Variants in NRSN1 observed in about 807,000 individuals in gnomAD.
NRSN1 encodes the protein neurensin 1.
In NRSN1, 14 loss-of-function variants were observed where a neutral mutation model predicts 17.3. The observed-to-expected ratio is 0.81, with a 90% CI of 0.54 to 1.27. NRSN1 has a LOEUF of 1.27. Among genes scored for constraint, NRSN1 ranks in the 50% most tolerant of loss-of-function variants. NRSN1 has a pLI of 0.00. For missense variants in NRSN1, 209 were observed against 235.9 expected, an observed-to-expected ratio of 0.89 and a Z score of 0.75; for synonymous variants, 79 against 94.2, an observed-to-expected ratio of 0.84 and a Z score of 0.93.
rs1760314790 is a variant in NRSN1 at position 24,146,781 on chromosome 6, G to A, written c.*835G>A. 6.5e-6 allele frequency: 1 copy of A among 154,168 alleles called. No homozygotes were observed. 9.6% of individuals were successfully genotyped at this position (154,168 alleles called of 1,614,324 possible). On this transcript the variant is annotated 3_prime_UTR_variant, in exon 4 of 4. Transcript: ENST00000378491. ...TCTTGACCAAAAAAAATTAATTTTA[G>A]GAGCATCTATTTATGCAGTGTTCAA...
At chr6:24,129,097 T>C (rs1267005874) in intron 2 of NRSN1, 2 of 152,222 alleles carry the variant, frequency 1.3e-5, no homozygotes, top group Admixed American at 6.5e-5. Flanking sequence ...TTGGCACACA[T>C]AGTGATATCA....
chr6:24,144,312 G>T (rs1760264701), intron 3 of NRSN1, among the ~76,000 whole-genome samples: 1 of 152,120 alleles, frequency 6.6e-6, no homozygotes, highest in African/African-American at 2.4e-5. Context: ...TTGAAAAGAG[G>T]TGAGTAGTTA....
In NRSN1 at chr6:24,145,148, A is replaced by T. The variant is rs1037526122; in HGVS notation, c.190-400A>T. ...ACATATCTTTAGACATATAATATAT[A>T]ATATATATATCTTTGGACATATATA... On this transcript the variant is annotated intron_variant, in intron 3 of 3. Transcript: ENST00000378491. The surrounding 1 kb of genome is among the most constrained non-coding windows in gnomAD (Gnocchi z 4.4). 1.3e-4 allele frequency among the ~76,000 whole-genome samples: 19 copies of T among 145,084 alleles called. No individual in the cohort carries two copies. In the South Asian group the frequency reaches 1.7e-3, roughly 13 times the overall value.
rs556231413 is a variant in NRSN1, at chr6:24,138,236, C to T, written c.189+3720C>T. The stretch of plus-strand genomic sequence containing the variant: ...CACACTTTCTCTGTGCTTCAGAGGT[C>T]CTAGGTTGCTGCATGACTACCTCAG... On this transcript the variant is annotated intron_variant, in intron 3 of 3. Transcript: ENST00000378491. 3.3e-5 allele frequency among the ~76,000 whole-genome samples: 5 copies of T among 152,204 alleles called. No individual in the cohort carries two copies. The East Asian group carries it at 9.7e-4, about 29-fold the overall frequency.
At chr6:24,138,609 G>A (rs1459343894) in intron 3 of NRSN1, among the ~76,000 whole-genome samples, 1 of 152,112 alleles carries the variant, frequency 6.6e-6, no homozygotes, top group Non-Finnish European at 1.5e-5. Context: ...CGATGTGCAG[G>A]TGCAAGGTGT....
intron 1 of NRSN1, among the ~76,000 whole-genome samples, chr6:24,127,013 C>A (rs1759960302): frequency 6.6e-6 from 1 of 151,708 alleles, no homozygotes; most frequent in Non-Finnish European, 1.5e-5. Flanking sequence ...TGGTGAAGGG[C>A]ATGTGGGGAA....
rs914842087 is a variant in NRSN1, at chr6:24,145,073, A to G, written c.190-475A>G. Among the ~76,000 whole-genome samples the G allele has an allele frequency of 6.4e-4, 93 of 145,340 alleles. No individual in the cohort carries two copies. The highest frequency in any genetic ancestry group is 2.2e-3 in the African/African-American group (87 of 40,024). ...ATATATAATATATATCTTTAGGTATATAATATATATTATATATTTTATATA... is the reference window on the plus strand; with the variant it reads ...ATATATAATATATATCTTTAGGTATGTAATATATATTATATATTTTATATA... On this transcript the variant is annotated intron_variant, in intron 3 of 3. Transcript: ENST00000378491. This position sits in a 1 kb window ranked among gnomAD's most constrained non-coding sequence, Gnocchi z 4.4.
rs563032009 is a variant in NRSN1, at chr6:24,136,518, T to C, written c.189+2002T>C. On this transcript the variant is annotated intron_variant, in intron 3 of 3. Coordinates refer to ENST00000378491, the MANE Select transcript of NRSN1 (RefSeq NM_080723.5). ...GGCACATCTTGTATTTACCCAGATA[T>C]GTGGGTGGTTGTTTCCCTATTTGTC... Among the ~76,000 whole-genome samples, 3 of 150,424 alleles carry C rather than the reference T, an allele frequency of 2.0e-5. No homozygotes were observed. The East Asian group carries it at 6.1e-4, about 31-fold the overall frequency.
At chr6:24,131,783 CT>C (rs1432630257) in intron 2 of NRSN1, among the ~76,000 whole-genome samples, 2 of 152,184 alleles carry the variant, frequency 1.3e-5, no homozygotes, top group Non-Finnish European at 2.9e-5. Context: ...ATAGAAGGTA[CT>C]GAAGAGATCG....
Position 24,126,266 on chromosome 6 carries a change from C to T in NRSN1, c.-157C>T, listed in dbSNP as rs901999072. On this transcript the variant is annotated 5_prime_UTR_variant, in exon 1 of 4. In the 5' UTR this introduces an upstream ATG that the reference lacks. Coordinates refer to ENST00000378491, the MANE Select transcript of NRSN1 (RefSeq NM_080723.5). ...CGAGGCGGAGCGGCGGCGGTGGCGACGGCGATGGGACCCCAGCGAGAGATC... is the reference window on the plus strand; with the variant it reads ...CGAGGCGGAGCGGCGGCGGTGGCGATGGCGATGGGACCCCAGCGAGAGATC... 1 of 176,488 alleles carries T rather than the reference C, an allele frequency of 5.7e-6. No homozygotes were observed. The highest frequency in any genetic ancestry group is 1.2e-5 in the Non-Finnish European group (1 of 85,154). 10.9% of individuals were successfully genotyped at this position (176,488 alleles called of 1,614,324 possible).
intron 3 of NRSN1, among the ~76,000 whole-genome samples, chr6:24,136,345 G>A (rs1487116708): frequency 6.6e-6 from 1 of 152,174 alleles, no homozygotes; most frequent in Non-Finnish European, 1.5e-5. Flanking sequence ...TGTTAACATG[G>A]ATAACCCAAG....
At chr6:24,137,662 C>T (rs1472010057) in intron 3 of NRSN1, among the ~76,000 whole-genome samples, 7 of 152,022 alleles carry the variant, frequency 4.6e-5, no homozygotes, top group Non-Finnish European at 2.9e-5. Context: ...AGGTATATCT[C>T]CTAATGCTAT....
At chr6:24,140,388 G>C (rs188967694) in intron 3 of NRSN1, among the ~76,000 whole-genome samples, 64 of 152,304 alleles carry the variant, frequency 4.2e-4, no homozygotes, top group Non-Finnish European at 4.9e-4. Context: ...TAAGAAGATT[G>C]TGAGGTCAGT....
chr6:24,142,450 G>T (rs1286764408), intron 3 of NRSN1, among the ~76,000 whole-genome samples: 1 of 151,938 alleles, frequency 6.6e-6, no homozygotes, highest in Non-Finnish European at 1.5e-5. Flanking sequence ...CCTCAACTAT[G>T]CTTTTTTTCT....
intron 3 of NRSN1, among the ~76,000 whole-genome samples, chr6:24,144,094 T>C (rs1227035685): frequency 6.6e-6 from 1 of 152,214 alleles, no homozygotes; most frequent in Non-Finnish European, 1.5e-5. Context: ...CTCCATCTGC[T>C]ATTCTGAACA....
At chr6:24,127,583 A>T (rs1212701730) in intron 1 of NRSN1, among the ~76,000 whole-genome samples, 1 of 152,232 alleles carries the variant, frequency 6.6e-6, no homozygotes, top group African/African-American at 2.4e-5. Flanking sequence ...AAGCAAAATG[A>T]TCATGATAGG....
At chr6:24,142,211 T>TTTTTTTC (rs1334926545) in intron 3 of NRSN1, among the ~76,000 whole-genome samples, 2 of 147,852 alleles carry the variant, frequency 1.4e-5, no homozygotes, top group Non-Finnish European at 3.0e-5. Flanking sequence ...TTTTTTTTTT[T>TTTTTTTC]TTTCAGAAGA....
intron 2 of NRSN1, chr6:24,128,870 A>C (rs973237320): frequency 1.3e-5 from 2 of 152,220 alleles, no homozygotes; most frequent in Admixed American, 1.3e-4. Flanking sequence ...ACTGACTCAC[A>C]CATAGTGTCA....
chr6:24,142,367 A>G (rs2113717303), intron 3 of NRSN1, among the ~76,000 whole-genome samples: 1 of 152,300 alleles, frequency 6.6e-6, no homozygotes, highest in South Asian at 2.1e-4. Flanking sequence ...TATGGGCAGA[A>G]GAAAAGTCAT....
Sources: allele counts gnomAD v4.1 joint callset (sites outside exome capture counted in the v4.1 genomes callset), GRCh38; gene constraint gnomAD v4.1.1; non-coding constraint Gnocchi (gnomAD v3.1); transcripts MANE v1.5; gene names NCBI Gene and HGNC (gene_info 2026-07-23, HGNC 2026-07-21).